The following PTPRT variants were observed in gnomAD, a reference collection of about 807,000 sequenced individuals.
PTPRT encodes the protein protein tyrosine phosphatase receptor type T, also known as receptor-type tyrosine-protein phosphatase T.
PTPRT carries 56 observed loss-of-function variants against 176.8 expected under a neutral mutation model. The ratio of observed to expected loss-of-function variants is 0.32; its 90% confidence interval spans 0.26 to 0.40. The LOEUF is 0.40. PTPRT is among the 10% of genes least tolerant of loss of function. The pLI is 1.00. For missense variants in PTPRT, 1,540 were observed against 1,908.2 expected, an observed-to-expected ratio of 0.81 and a Z score of 3.60; for synonymous variants, 783 against 739.0, an observed-to-expected ratio of 1.06 and a Z score of -0.96.
At chr20:43,115,326 G>A (rs1303914128) in intron 1 of PTPRT, among the ~76,000 whole-genome samples, 1 of 152,194 alleles carries the variant, frequency 6.6e-6, no homozygotes, top group Admixed American at 6.5e-5. Context: ...GTCTTCCCAT[G>A]AGCCTGTGTG....
At chr20:42,934,748 G>C (rs1471397959) in intron 1 of PTPRT, among the ~76,000 whole-genome samples, 1 of 152,098 alleles carries the variant, frequency 6.6e-6, no homozygotes, top group African/African-American at 2.4e-5. Flanking sequence ...GTAAGAGAAA[G>C]CACCAGCAAA....
At position 42,199,487 on chromosome 20, in the gene PTPRT, C is replaced by T. The variant is rs1309693267; in HGVS notation, c.2343-99G>A. On this transcript the variant is annotated intron_variant, in intron 15 of 30. Coordinates refer to ENST00000373187, the MANE Select transcript of PTPRT (RefSeq NM_007050.6). The stretch of plus-strand genomic sequence containing the variant: ...TCTTCCCCAATGCTCATCCTCAACC[C>T]CCAAATCTGGTTCATTCTCCAGAAA... 9 of 1,337,550 alleles carry T rather than the reference C, an allele frequency of 6.7e-6. No individual in the cohort carries two copies. In the South Asian group the frequency reaches 1.2e-4, roughly 18 times the overall value. The allele number at this position is 1,337,550 out of a possible 1,614,324, so 82.9% of individuals were successfully genotyped here.
chr20:42,427,877 G>C (rs56410232), intron 9 of PTPRT, among the ~76,000 whole-genome samples: 17,847 of 151,904 alleles, frequency 0.12, 1,012 homozygotes, highest in Middle Eastern at 0.14. Flanking sequence ...ATTCTCCCCA[G>C]CCTTGAGAAT....
intron 1 of PTPRT, among the ~76,000 whole-genome samples, chr20:42,962,421 G>A (rs1982040402): frequency 1.3e-5 from 2 of 151,578 alleles, no homozygotes; most frequent in Non-Finnish European, 2.9e-5. Context: ...AAAGAGATAT[G>A]TTATAGGGAT....
At chr20:43,012,801 A>G (rs1276572319) in intron 1 of PTPRT, among the ~76,000 whole-genome samples, 1 of 152,088 alleles carries the variant, frequency 6.6e-6, no homozygotes, top group Admixed American at 6.5e-5. Context: ...CACCATCACC[A>G]TGGGGATGGC....
intron 6 of PTPRT, among the ~76,000 whole-genome samples, chr20:42,725,504 G>A (rs1458930084): frequency 6.6e-6 from 1 of 152,012 alleles, no homozygotes; most frequent in African/African-American, 2.4e-5. Flanking sequence ...GTGAGGTTCA[G>A]AGAAGGGAAG....
chr20:42,815,699 TAA>T (rs985264745), intron 2 of PTPRT, among the ~76,000 whole-genome samples: 1 of 152,212 alleles, frequency 6.6e-6, no homozygotes, highest in Non-Finnish European at 1.5e-5. Flanking sequence ...AGTGGATTTT[TAA>T]AAGTGTTTAG....
rs577756418 is a variant in PTPRT at position 42,422,427 on chromosome 20, G to A, written c.1560+25793C>T. Among the ~76,000 whole-genome samples the A allele has an allele frequency of 2.9e-3, 442 of 152,148 alleles. 3 individuals carry two copies. Among genetic ancestry groups the A allele is most frequent in the African/African-American group, 9.5e-3 (396 of 41,528 alleles). On this transcript the variant is annotated intron_variant, in intron 9 of 30. Transcript: ENST00000373187. ...CACTTTTCAAAAGAAGACAACAGGCGGCAAACAAACATGAAAACATGCTCA... is the reference window on the plus strand; with the variant it reads ...CACTTTTCAAAAGAAGACAACAGGCAGCAAACAAACATGAAAACATGCTCA...
intron 1 of PTPRT, among the ~76,000 whole-genome samples, chr20:42,958,162 G>A (rs1981752279): frequency 9.3e-6 from 1 of 107,826 alleles, no homozygotes; most frequent in Admixed American, 9.0e-5. Context: ...AGGTTAGGAA[G>A]GAGAGATAGA....
chr20:42,788,872 A>C (rs948272008), intron 3 of PTPRT, among the ~76,000 whole-genome samples: 5 of 152,168 alleles, frequency 3.3e-5, no homozygotes, highest in Admixed American at 3.3e-4. Flanking sequence ...CAAGAACTCT[A>C]CTAGGGGAAA....
At chr20:42,265,637 G>C (rs1044881155) in intron 13 of PTPRT, among the ~76,000 whole-genome samples, 5 of 152,070 alleles carry the variant, frequency 3.3e-5, no homozygotes, top group African/African-American at 1.2e-4. Flanking sequence ...TGGCTGTTCA[G>C]GTTGGAGCTT....
At chr20:43,122,652 C>T (rs1326574110) in intron 1 of PTPRT, among the ~76,000 whole-genome samples, 2 of 152,178 alleles carry the variant, frequency 1.3e-5, no homozygotes, top group Admixed American at 1.3e-4. Flanking sequence ...GGGCCTCCCC[C>T]TTCTCTCTCT....
At chr20:42,106,328 C>T (rs1428721302) in intron 24 of PTPRT, among the ~76,000 whole-genome samples, 1 of 152,212 alleles carries the variant, frequency 6.6e-6, no homozygotes, top group Non-Finnish European at 1.5e-5. Context: ...TGTTACATCT[C>T]TTGAAATGCC....
At chr20:42,985,944 C>T (rs1983548173) in intron 1 of PTPRT, among the ~76,000 whole-genome samples, 1 of 152,128 alleles carries the variant, frequency 6.6e-6, no homozygotes, top group South Asian at 2.1e-4. Flanking sequence ...AGAAGCAGAA[C>T]ACAAGGTCTA....
rs189696404 is a variant in PTPRT at position 43,003,547 on chromosome 20, C to T, written c.89-117615G>A. On this transcript the variant is annotated intron_variant, in intron 1 of 30. Transcript: ENST00000373187. Reference sequence around the variant, plus strand: ...CTTAGAACCTTGCTACACAAAATGTCGGCCCTGAGCCAGCAACATGGGCAT... The same window carrying T: ...CTTAGAACCTTGCTACACAAAATGTTGGCCCTGAGCCAGCAACATGGGCAT... Among the ~76,000 whole-genome samples the T allele has an allele frequency of 2.8e-3, 425 of 152,284 alleles. 2 individuals carry two copies. The highest frequency in any genetic ancestry group is 5.2e-3 in the Non-Finnish European group (353 of 68,032).
intron 9 of PTPRT, among the ~76,000 whole-genome samples, chr20:42,357,780 G>A (rs981744242): frequency 6.6e-6 from 1 of 151,958 alleles, no homozygotes; most frequent in Admixed American, 6.5e-5. Context: ...TGGGCATGGT[G>A]ATGCACGCCT....
At chr20:42,158,880 A>C (rs1168084031) in intron 17 of PTPRT, among the ~76,000 whole-genome samples, 1 of 152,204 alleles carries the variant, frequency 6.6e-6, no homozygotes, top group Non-Finnish European at 1.5e-5. Context: ...TTGTTTTCTC[A>C]TTATAAAAGC....
chr20:42,445,778 T>C (rs1229577616), intron 9 of PTPRT, among the ~76,000 whole-genome samples: 1 of 152,214 alleles, frequency 6.6e-6, no homozygotes, highest in Non-Finnish European at 1.5e-5. Context: ...CCAACATCCC[T>C]GGCATCTGGT....
chr20:43,170,885 T>G (rs2014980446), intron 1 of PTPRT, among the ~76,000 whole-genome samples: 1 of 152,202 alleles, frequency 6.6e-6, no homozygotes, highest in Admixed American at 6.5e-5. Context: ...ATATAGTCAA[T>G]CTTCACAATT....
Sources: gnomAD v4.1 joint callset for allele counts (sites outside exome capture counted in the v4.1 genomes callset) on GRCh38, gnomAD v4.1.1 for gene constraint, MANE v1.5 for transcripts, NCBI Gene and HGNC (gene_info 2026-07-23, HGNC 2026-07-21) for gene names.